DLG2: variants seen among roughly 807,000 people sequenced by gnomAD.
The protein encoded by DLG2 is disks large homolog 2.
DLG2 carries 45 observed loss-of-function variants against 132.5 expected under a neutral mutation model. That is an observed-to-expected ratio of 0.34 (90% CI 0.27 to 0.44). The LOEUF is 0.44. Ranked by LOEUF, DLG2 falls within the 20% of genes least tolerant of loss-of-function variation. DLG2 has a pLI of 1.00. For synonymous variants in DLG2, 424 were observed against 419.6 expected, an observed-to-expected ratio of 1.01 and a Z score of -0.13; for missense variants, 1,045 against 1,196.9, an observed-to-expected ratio of 0.87 and a Z score of 1.87.
intron 3 of DLG2, among the ~76,000 whole-genome samples, chr11:85,482,667 G>T (rs1437470057): frequency 1.3e-5 from 2 of 152,150 alleles, no homozygotes; most frequent in Non-Finnish European, 2.9e-5. Flanking sequence ...AATGGTCCCA[G>T]GTATCAGGCA....
intron 18 of DLG2, among the ~76,000 whole-genome samples, chr11:83,705,291 A>T (rs1255842464): frequency 6.6e-6 from 1 of 152,164 alleles, no homozygotes; most frequent in Non-Finnish European, 1.5e-5. Flanking sequence ...AAATCAACTT[A>T]TTTGTTATTA....
chr11:85,553,406 T>C (rs920341233), intron 3 of DLG2, among the ~76,000 whole-genome samples: 1 of 151,430 alleles, frequency 6.6e-6, no homozygotes, highest in Admixed American at 6.6e-5. Flanking sequence ...GACATAAAAA[T>C]AGTTTTTAAA....
chr11:85,526,160 T>C (rs1483527084), intron 3 of DLG2, among the ~76,000 whole-genome samples: 3 of 152,172 alleles, frequency 2.0e-5, no homozygotes, highest in African/African-American at 7.2e-5. Context: ...TAGTCTTGTT[T>C]AACAAAGCAC....
chr11:84,208,177 GA>G (rs1219419613), intron 8 of DLG2, among the ~76,000 whole-genome samples: 2 of 151,808 alleles, frequency 1.3e-5, no homozygotes, highest in Non-Finnish European at 2.9e-5. Context: ...ACTATATCTT[GA>G]CTTACAATTT....
intron 3 of DLG2, among the ~76,000 whole-genome samples, chr11:85,304,468 T>C (rs2079808560): frequency 1.3e-5 from 2 of 152,144 alleles, no homozygotes; most frequent in African/African-American, 4.8e-5. Flanking sequence ...TTAACAAAAT[T>C]CAATATTTTT....
chr11:85,211,952 T>A (rs1051267320), intron 4 of DLG2, among the ~76,000 whole-genome samples: 1 of 152,102 alleles, frequency 6.6e-6, no homozygotes, highest in Non-Finnish European at 1.5e-5. Context: ...AATGGCTGTA[T>A]AAAATAATGA....
At chr11:83,665,712 A>T (rs1168325017) in intron 18 of DLG2, among the ~76,000 whole-genome samples, 1 of 152,236 alleles carries the variant, frequency 6.6e-6, no homozygotes, top group Non-Finnish European at 1.5e-5. Context: ...AAGGCAGATC[A>T]GACGTGCCCC....
At chr11:83,571,207 G>GT (rs140357706) in intron 19 of DLG2, among the ~76,000 whole-genome samples, 8,293 of 151,960 alleles carry the variant, frequency 0.055, 660 homozygotes, top group African/African-American at 0.17. Flanking sequence ...ATAAATATGG[G>GT]TTTTTTTCTT....
chr11:85,325,202 C>T (rs2081372098), intron 3 of DLG2, among the ~76,000 whole-genome samples: 1 of 150,258 alleles, frequency 6.7e-6, no homozygotes, highest in African/African-American at 2.4e-5. Context: ...GGGAGGGGCG[C>T]CCGCCATTGC....
At chr11:85,190,490 A>T (rs987157105) in intron 4 of DLG2, among the ~76,000 whole-genome samples, 1 of 152,186 alleles carries the variant, frequency 6.6e-6, no homozygotes, top group African/African-American at 2.4e-5. Flanking sequence ...CAAAGCTAGC[A>T]AAAGAAAAGC....
intron 6 of DLG2, among the ~76,000 whole-genome samples, chr11:84,652,143 G>C (rs2099682794): frequency 6.6e-6 from 1 of 152,156 alleles, no homozygotes; most frequent in Admixed American, 6.5e-5. Flanking sequence ...AGAATGTTCT[G>C]TGTTCCTGGA....
intron 3 of DLG2, among the ~76,000 whole-genome samples, chr11:85,381,363 G>A (rs547321943): frequency 6.6e-6 from 1 of 152,168 alleles, no homozygotes; most frequent in East Asian, 1.9e-4. Context: ...ATGAATAAAG[G>A]GTATCTATGA....
At chr11:85,002,501 TA>T (rs1165270382) in intron 6 of DLG2, among the ~76,000 whole-genome samples, 1 of 152,214 alleles carries the variant, frequency 6.6e-6, no homozygotes, top group African/African-American at 2.4e-5. Context: ...CTCTCCATGA[TA>T]ATTGATCTTT....
At position 85,340,215 on chromosome 11, in the gene DLG2, A is replaced by G. The variant is rs562220410; in HGVS notation, c.41-54850T>C. ...ATATGTTTATTGTGGCACTATTCAC[A>G]ATAGCAAAGACTTGGAACCAACCCA... On this transcript the variant is annotated intron_variant, in intron 3 of 27. Coordinates refer to ENST00000376104, the MANE Select transcript of DLG2 (RefSeq NM_001142699.3). Among the ~76,000 whole-genome samples the G allele has an allele frequency of 2.0e-5, 3 of 152,354 alleles. No individual in the cohort carries two copies. The East Asian group carries it at 5.8e-4, about 29-fold the overall frequency.
intron 4 of DLG2, among the ~76,000 whole-genome samples, chr11:85,272,847 C>G (rs1455309454): frequency 6.6e-6 from 1 of 152,134 alleles, no homozygotes; most frequent in Non-Finnish European, 1.5e-5. Flanking sequence ...TACCTGACTT[C>G]AAACTATGTT....
At chr11:85,354,852 T>G (rs1050553589) in intron 3 of DLG2, among the ~76,000 whole-genome samples, 1 of 151,866 alleles carries the variant, frequency 6.6e-6, no homozygotes, top group Non-Finnish European at 1.5e-5. Flanking sequence ...CACATATATC[T>G]TAGAACAGAG....
chr11:84,816,427 C>A (rs569099279), intron 6 of DLG2, among the ~76,000 whole-genome samples: 1 of 151,506 alleles, frequency 6.6e-6, no homozygotes, highest in Non-Finnish European at 1.5e-5. Flanking sequence ...TATCTTAAGG[C>A]CGTTTGAAAT....
chr11:83,993,104 A>G (rs1471936130), intron 11 of DLG2, among the ~76,000 whole-genome samples: 1 of 152,138 alleles, frequency 6.6e-6, no homozygotes, highest in Non-Finnish European at 1.5e-5. Flanking sequence ...AGGCAGTTAG[A>G]TTGAATTGCC....
intron 6 of DLG2, among the ~76,000 whole-genome samples, chr11:84,793,105 T>C (rs924118826): frequency 3.3e-5 from 5 of 152,144 alleles, no homozygotes; most frequent in Non-Finnish European, 5.9e-5. Flanking sequence ...TTTTGGTATG[T>C]TGTGTTTCCA....
Sources: allele counts gnomAD v4.1 joint callset (sites outside exome capture counted in the v4.1 genomes callset), GRCh38; gene constraint gnomAD v4.1.1; transcripts MANE v1.5; gene names NCBI Gene and HGNC (gene_info 2026-07-23, HGNC 2026-07-21).